The following SORCS2 variants were observed in gnomAD, a reference collection of about 807,000 sequenced individuals.
SORCS2 encodes the protein VPS10 domain-containing receptor SorCS2.
In SORCS2, 100 loss-of-function variants were observed where a neutral mutation model predicts 141.6. That is an observed-to-expected ratio of 0.71 (90% CI 0.60 to 0.83). The LOEUF (loss-of-function observed/expected upper bound fraction) is 0.83, where lower values mean the gene tolerates loss of function less well. SORCS2 is among the 40% of genes least tolerant of loss of function. The pLI is 0.00. For missense variants in SORCS2, 1,646 were observed against 1,560.2 expected (o/e 1.05, Z -0.93); for synonymous variants, 789 against 676.9 (o/e 1.17, Z -2.57).
At chr4:7,612,827 C>T (rs1168904571) in intron 3 of SORCS2, among the ~76,000 whole-genome samples, 1 of 150,328 alleles carries the variant, frequency 6.7e-6, no homozygotes, top group African/African-American at 2.5e-5. Flanking sequence ...GGTACAAAGC[C>T]TGGCCCACAG....
At position 7,661,171 on chromosome 4, in the gene SORCS2, A is replaced by G. The variant is rs924741204; in HGVS notation, c.888-329A>G. Among the ~76,000 whole-genome samples, 7 of 152,358 alleles carry G rather than the reference A, an allele frequency of 4.6e-5. No individual in the cohort carries two copies. The South Asian group carries it at 6.2e-4, about 14-fold the overall frequency. ...AAAGCAACGTGAAAGTCTTTTATGA[A>G]GAAGAAAGTCTTTTACAAACACTCC... On this transcript the variant is annotated intron_variant, in intron 5 of 26. Transcript: ENST00000507866.
At chr4:7,498,557 C>T (rs1373809697) in intron 2 of SORCS2, among the ~76,000 whole-genome samples, 1 of 152,340 alleles carries the variant, frequency 6.6e-6, no homozygotes, top group African/African-American at 2.4e-5. Context: ...GAGAGCACGC[C>T]CTGCCAAGGC....
intron 3 of SORCS2, among the ~76,000 whole-genome samples, chr4:7,544,031 G>T (rs1468406200): frequency 0.079 from 3,285 of 41,796 alleles, 184 homozygotes; most frequent in African/African-American, 0.095. Context: ...CATCCATCCA[G>T]CCACCCACCC....
At chr4:7,205,603 A>G (rs190718194) in intron 1 of SORCS2, among the ~76,000 whole-genome samples, 219 of 152,344 alleles carry the variant, frequency 1.4e-3, no homozygotes, top group Non-Finnish European at 2.5e-3. Context: ...CTGATGATAC[A>G]TTTGTGACTT....
chr4:7,253,108 A>G (rs2108808289), intron 1 of SORCS2, among the ~76,000 whole-genome samples: 1 of 152,350 alleles, frequency 6.6e-6, no homozygotes, highest in South Asian at 2.1e-4. Flanking sequence ...CACCTGGAGG[A>G]TCAAGGGTGT....
intron 2 of SORCS2, among the ~76,000 whole-genome samples, chr4:7,512,146 G>A (rs953838259): frequency 6.6e-6 from 1 of 152,118 alleles, no homozygotes; most frequent in Non-Finnish European, 1.5e-5. Flanking sequence ...ACAGATATCA[G>A]AGGTGAGCAG....
At chr4:7,238,628 A>C (rs1712463235) in intron 1 of SORCS2, among the ~76,000 whole-genome samples, 1 of 152,194 alleles carries the variant, frequency 6.6e-6, no homozygotes, top group African/African-American at 2.4e-5. Flanking sequence ...GGTGGAAGCC[A>C]GGCCTGCACC....
At chr4:7,288,616 G>T (rs1025527929) in intron 1 of SORCS2, among the ~76,000 whole-genome samples, 3 of 151,148 alleles carry the variant, frequency 2.0e-5, no homozygotes, top group Admixed American at 1.3e-4. Flanking sequence ...GGAGAGGGGA[G>T]AGAAGAGAGA....
In SORCS2 at chr4:7,434,234, AG is replaced by A. The variant is rs757000652; in HGVS notation, c.548+37881del. 3 of 1,613,596 alleles carry A rather than the reference AG, an allele frequency of 1.9e-6. No individual in the cohort carries two copies. In the South Asian group the frequency reaches 3.3e-5, roughly 18 times the overall value. ...CAGAGGACGGCCAGGCCAGGCCCCA[AG>A]GACTCACACTGCTCCTGGATGTTCA... On this transcript the variant is annotated intron_variant, in intron 2 of 26. Transcript: ENST00000507866.
chr4:7,512,293 A>G (rs1333398591), intron 2 of SORCS2, among the ~76,000 whole-genome samples: 1 of 148,356 alleles, frequency 6.7e-6, no homozygotes, highest in Non-Finnish European at 1.5e-5. Flanking sequence ...ATAGCTACCC[A>G]GTAATGGTGG....
chr4:7,586,077 G>A (rs1051018960), intron 3 of SORCS2, among the ~76,000 whole-genome samples: 1 of 152,144 alleles, frequency 6.6e-6, no homozygotes, highest in Admixed American at 6.5e-5. Context: ...CACTCTAAAG[G>A]CATTGCTCTC....
At chr4:7,700,678 G>T (rs76446006) in intron 12 of SORCS2, among the ~76,000 whole-genome samples, 8 of 152,146 alleles carry the variant, frequency 5.3e-5, no homozygotes, top group Non-Finnish European at 1.2e-4. Context: ...AGAGGATCCC[G>T]GCATGACAAC....
chr4:7,229,359 C>A (rs559872388), intron 1 of SORCS2, among the ~76,000 whole-genome samples: 1 of 151,758 alleles, frequency 6.6e-6, no homozygotes, highest in African/African-American at 2.4e-5. Flanking sequence ...GATCTCGGTG[C>A]CAATTTCTTA....
intron 3 of SORCS2, among the ~76,000 whole-genome samples, chr4:7,565,385 G>A (rs1226228241): frequency 1.3e-5 from 2 of 152,054 alleles, no homozygotes; most frequent in Non-Finnish European, 2.9e-5. Context: ...TAGTAGTATG[G>A]TGATTAGAAT....
chr4:7,415,047 A>G (rs1725569708), intron 2 of SORCS2, among the ~76,000 whole-genome samples: 1 of 152,238 alleles, frequency 6.6e-6, no homozygotes, highest in African/African-American at 2.4e-5. Flanking sequence ...TAAAGAGACA[A>G]GCAGGACAAA....
Position 7,421,902 on chromosome 4 carries a change from G to T in SORCS2, c.548+25547G>T, listed in dbSNP as rs150088058. Among the ~76,000 whole-genome samples the T allele has an allele frequency of 9.0e-3, 947 of 105,716 alleles. 20 individuals are homozygous for T. The East Asian group carries it at 0.094, about 10-fold the overall frequency. 69.4% of individuals were successfully genotyped at this position (105,716 alleles called of 152,430 possible). On this transcript the variant is annotated intron_variant, in intron 2 of 26. Transcript: ENST00000507866. ...TGGGGCGGGCTTGCAGGAGAGGGAG[G>T]GCAGGGGCTGGGGCGGGGCTGGGCA...
intron 3 of SORCS2, among the ~76,000 whole-genome samples, chr4:7,575,766 G>A (rs1208677800): frequency 6.6e-6 from 1 of 152,170 alleles, no homozygotes; most frequent in Admixed American, 6.5e-5. Flanking sequence ...TACGCATCAG[G>A]ATCAGAGAGG....
chr4:7,235,872 G>A (rs988828823), intron 1 of SORCS2, among the ~76,000 whole-genome samples: 26 of 152,164 alleles, frequency 1.7e-4, no homozygotes, highest in African/African-American at 5.8e-4. Context: ...TGTTGCTAGC[G>A]CTGCAATTCC....
intron 2 of SORCS2, among the ~76,000 whole-genome samples, chr4:7,500,893 A>G (rs1386856363): frequency 6.6e-6 from 1 of 152,166 alleles, no homozygotes; most frequent in Non-Finnish European, 1.5e-5. Context: ...AATGAAACCC[A>G]GGACAGAGCC....
Sources: gnomAD v4.1 joint callset for allele counts (sites outside exome capture counted in the v4.1 genomes callset) on GRCh38, gnomAD v4.1.1 for gene constraint, MANE v1.5 for transcripts, NCBI Gene and HGNC (gene_info 2026-07-23, HGNC 2026-07-21) for gene names.